The following NET1 variants were observed in gnomAD, a reference collection of about 807,000 sequenced individuals.
The protein encoded by NET1 is neuroepithelial cell-transforming gene 1 protein.
Under a neutral mutation model 61.1 loss-of-function variants are expected in NET1, and 42 were observed. The observed-to-expected ratio is 0.69, with a 90% confidence interval of 0.54 to 0.89. The LOEUF (loss-of-function observed/expected upper bound fraction) is 0.89, where lower values mean the gene tolerates loss of function less well. Ranked by LOEUF, NET1 falls within the 40% of genes least tolerant of loss-of-function variation. The pLI, the probability that NET1 is intolerant of heterozygous loss-of-function variation, is 0.00. For synonymous variants in NET1, 254 were observed against 281.8 expected, an observed-to-expected ratio of 0.90 and a Z score of 0.99; for missense variants, 654 against 747.3, an observed-to-expected ratio of 0.88 and a Z score of 1.46.
In NET1 at chr10:5,421,417, G is replaced by T. The variant is rs955784258; in HGVS notation, c.129-5238G>T. ...GTAGAAAAATAATAGTATGACCTAT[G>T]ATCTACCAACAGTGATAAGGCTTAC... is the stretch of plus-strand genomic sequence containing the variant. On this transcript the variant is annotated intron_variant, in intron 1 of 11. Coordinates refer to ENST00000355029, the MANE Select transcript of NET1 (RefSeq NM_001047160.3). The surrounding 1 kb of genome is among the most constrained non-coding windows in gnomAD (Gnocchi z 4.2). Among the ~76,000 whole-genome samples, 4 of 152,104 alleles carry T rather than the reference G, an allele frequency of 2.6e-5. No individual in the cohort carries two copies. The highest frequency in any genetic ancestry group is 9.7e-5 in the African/African-American group (4 of 41,418).
At chr10:5,419,470 C>A (rs1832132407) in intron 1 of NET1, among the ~76,000 whole-genome samples, 1 of 152,120 alleles carries the variant, frequency 6.6e-6, no homozygotes, top group Non-Finnish European at 1.5e-5. Context: ...TCTTTTGTTT[C>A]TCTATTCCTC....
In NET1 at chr10:5,457,409, T is replaced by G. The variant is rs1288722054; in HGVS notation, c.*415T>G. On this transcript the variant is annotated 3_prime_UTR_variant, in exon 12 of 12. Coordinates refer to ENST00000355029, the MANE Select transcript of NET1 (RefSeq NM_001047160.3). The surrounding 1 kb of genome is among the most constrained non-coding windows in gnomAD (Gnocchi z 5.4). Reference sequence around the variant, plus strand: ...AAGCCTTGCATGCAAAATTTGAAATTTTAACATTGGCACCCAAAACCTACA... The same window carrying G: ...AAGCCTTGCATGCAAAATTTGAAATGTTAACATTGGCACCCAAAACCTACA... The G allele has an allele frequency of 6.5e-6, 1 of 153,534 alleles. No homozygotes were observed. The highest frequency in any genetic ancestry group is 1.5e-5 in the Non-Finnish European group (1 of 68,728). 9.5% of individuals were successfully genotyped at this position (153,534 alleles called of 1,614,324 possible).
Position 5,451,924 on chromosome 10 carries a change from G to C in NET1, c.350G>C (p.Gly117Ala), listed in dbSNP as rs1288843575. Residue 117 changes from glycine (G) to alanine (A), a missense_variant, in exon 4 of 12, where the codon GGT becomes GCT. Physicochemically the swap from Gly to Ala is moderately conservative, Grantham distance 60. Transcript: ENST00000355029. This position sits in a 1 kb window ranked among gnomAD's most constrained non-coding sequence, Gnocchi z 6.1. ...AGAAATGGAGCTGTCAGACGTTTTGGTCAAACAATACAGGTAAAAAGAGAG... is the reference window on the plus strand; with the variant it reads ...AGAAATGGAGCTGTCAGACGTTTTGCTCAAACAATACAGGTAAAAAGAGAG... Reference protein sequence around the residue: ...PVRNGAVRRFGQTIQSFTLRG... With the variant: ...PVRNGAVRRFAQTIQSFTLRG... 1 of 1,613,282 alleles carries C rather than the reference G, an allele frequency of 6.2e-7. No homozygotes were observed. Among genetic ancestry groups the C allele is most frequent in the Non-Finnish European group, 8.5e-7 (1 of 1,179,518 alleles).
At position 5,435,510 on chromosome 10, in the gene NET1, TAGATAGATAGATAGATAGATAGAC is replaced by T. The variant is rs1282554585; in HGVS notation, c.255+6285_255+6308del. The stretch of plus-strand genomic sequence containing the variant: ...ATAGATAGATAGATAGATAGATAGA[TAGATAGATAGATAGATAGATAGAC>T]AGACAGACAGATAGATAGATAGATA... On this transcript the variant is annotated intron_variant, in intron 3 of 11. Coordinates refer to ENST00000355029, the MANE Select transcript of NET1 (RefSeq NM_001047160.3). This position sits in a 1 kb window ranked among gnomAD's most constrained non-coding sequence, Gnocchi z 5.0. 0.22 allele frequency among the ~76,000 whole-genome samples: 13,723 copies of T among 63,214 alleles called. 794 individuals are homozygous for T. The highest frequency in any genetic ancestry group is 0.29 in the Admixed American group (2,010 of 7,026). 41.5% of individuals were successfully genotyped at this position (63,214 alleles called of 152,430 possible).
chr10:5,448,102 ATT>A (rs1053692966), intron 3 of NET1, among the ~76,000 whole-genome samples: 1 of 152,122 alleles, frequency 6.6e-6, no homozygotes, highest in Admixed American at 6.5e-5. Flanking sequence ...TTTTCTTTTG[ATT>A]TTAAAGTTTT....
At chr10:5,419,961 G>A (rs553723065) in intron 1 of NET1, among the ~76,000 whole-genome samples, 1 of 151,706 alleles carries the variant, frequency 6.6e-6, no homozygotes, top group Non-Finnish European at 1.5e-5. Flanking sequence ...TTTAACTTTT[G>A]CCATTTTTAC....
intron 2 of NET1, 68 bp from the exon 3 acceptor site, chr10:5,429,100 TAG>T (rs1414803571): frequency 5.5e-6 from 6 of 1,085,908 alleles, no homozygotes; most frequent in Middle Eastern, 2.5e-4. Flanking sequence ...TCTAGTTTTA[TAG>T]AGTCTTTGTT....
In NET1 at chr10:5,444,019, G is replaced by T. The variant is rs1832565414; in HGVS notation, c.256-7811G>T. 6.6e-6 allele frequency among the ~76,000 whole-genome samples: 1 copy of T among 152,216 alleles called. No homozygotes were observed. Among genetic ancestry groups the T allele is most frequent in the Admixed American group, 6.5e-5 (1 of 15,284 alleles). ...CTGATGAAGCTAACTGAACCAGACT[G>T]CTGGGGTCTAGCCTAGGCTGTTCAT... is the stretch of plus-strand genomic sequence containing the variant. On this transcript the variant is annotated intron_variant, in intron 3 of 11. Transcript: ENST00000355029. The surrounding 1 kb of genome is among the most constrained non-coding windows in gnomAD (Gnocchi z 5.3).
At position 5,420,358 on chromosome 10, in the gene NET1, GATATT is replaced by G. The variant is rs148272041; in HGVS notation, c.129-6293_129-6289del. Among the ~76,000 whole-genome samples the G allele has an allele frequency of 0.022, 3,354 of 152,214 alleles. 51 individuals carry two copies. Among genetic ancestry groups the G allele is most frequent in the Middle Eastern group, 0.031 (9 of 294 alleles). On this transcript the variant is annotated intron_variant, in intron 1 of 11. Coordinates refer to ENST00000355029, the MANE Select transcript of NET1 (RefSeq NM_001047160.3). The surrounding 1 kb of genome is among the most constrained non-coding windows in gnomAD (Gnocchi z 5.3). ...TACATTATGATATTCTGTACAGTGA[GATATT>G]ATAATATACAATTTTTATAACTCAG...
In NET1 at chr10:5,417,650, T is replaced by C. The variant is rs990460729; in HGVS notation, c.128+4830T>C. On this transcript the variant is annotated intron_variant, in intron 1 of 11. Coordinates refer to ENST00000355029, the MANE Select transcript of NET1 (RefSeq NM_001047160.3). This position sits in a 1 kb window ranked among gnomAD's most constrained non-coding sequence, Gnocchi z 5.5. Reference sequence around the variant, plus strand: ...TAGTTTTACTTCTTTTTCCAATCTCTGGATGCCCTTTACTTTTTTCTCTTT... The same window carrying C: ...TAGTTTTACTTCTTTTTCCAATCTCCGGATGCCCTTTACTTTTTTCTCTTT... Among the ~76,000 whole-genome samples, 4 of 152,172 alleles carry C rather than the reference T, an allele frequency of 2.6e-5. No individual in the cohort carries two copies. Among genetic ancestry groups the C allele is most frequent in the South Asian group, 2.1e-4 (1 of 4,826 alleles).
Position 5,453,151 on chromosome 10 carries a change from C to T in NET1, c.595-99C>T, listed in dbSNP as rs1037054612. The T allele has an allele frequency of 4.8e-5, 39 of 805,372 alleles. No individual in the cohort carries two copies. Among genetic ancestry groups the T allele is most frequent in the East Asian group, 2.2e-4 (9 of 41,232 alleles). 49.9% of individuals were successfully genotyped at this position (805,372 alleles called of 1,614,324 possible). On this transcript the variant is annotated intron_variant, in intron 6 of 11. Transcript: ENST00000355029. The surrounding 1 kb of genome is among the most constrained non-coding windows in gnomAD (Gnocchi z 4.9). ...TTTTATGTGTAGCAAACAGAATCCACGCTAGCTTTTATGTAATTAATTCTC... is the reference window on the plus strand; with the variant it reads ...TTTTATGTGTAGCAAACAGAATCCATGCTAGCTTTTATGTAATTAATTCTC...
Position 5,422,198 on chromosome 10 carries a change from A to C in NET1, c.129-4457A>C, listed in dbSNP as rs918792045. 2.0e-5 allele frequency among the ~76,000 whole-genome samples: 3 copies of C among 152,110 alleles called. No individual in the cohort carries two copies. The highest frequency in any genetic ancestry group is 7.2e-5 in the African/African-American group (3 of 41,420). On this transcript the variant is annotated intron_variant, in intron 1 of 11. Coordinates refer to ENST00000355029, the MANE Select transcript of NET1 (RefSeq NM_001047160.3). This position sits in a 1 kb window ranked among gnomAD's most constrained non-coding sequence, Gnocchi z 4.1. ...CTAAAAATATAAAATTTAGCTGGGC[A>C]TGGTGGCGTGCCCCTGTAATCCTAG...
At position 5,458,061 on chromosome 10, in the gene NET1, TGAG is replaced by T. The variant is rs1300388964; in HGVS notation, c.*1069_*1071del. ...GAAAGGAGATAGGAGAAGCTCAACTTGAGGGCGTGTAGTAAGTTGTAGAAGGCT... is the reference window on the plus strand; with the variant it reads ...GAAAGGAGATAGGAGAAGCTCAACTTGGCGTGTAGTAAGTTGTAGAAGGCT... On this transcript the variant is annotated 3_prime_UTR_variant, in exon 12 of 12. Transcript: ENST00000355029. This position sits in a 1 kb window ranked among gnomAD's most constrained non-coding sequence, Gnocchi z 4.5. 6.6e-6 allele frequency: 1 copy of T among 152,166 alleles called. No homozygotes were observed. The highest frequency in any genetic ancestry group is 2.4e-5 in the African/African-American group (1 of 41,424). 9.4% of individuals were successfully genotyped at this position (152,166 alleles called of 1,614,324 possible). A position where few individuals can be genotyped will look rare whatever the true frequency, so the allele number is the denominator to read the frequency against.
chr10:5,454,523 G>GT lies in NET1; in HGVS notation c.1026+2dup, dbSNP rs1485956292. 1 of 1,612,406 alleles carries GT rather than the reference G, an allele frequency of 6.2e-7. No individual in the cohort carries two copies. The highest frequency in any genetic ancestry group is 8.5e-7 in the Non-Finnish European group (1 of 1,179,570). Reference sequence around the variant, plus strand: ...TGATGTTCAGCTTCTGGAGGATGCTGTAAGTAGTCCCTTAAGTGATTGTTT... The same window carrying GT: ...TGATGTTCAGCTTCTGGAGGATGCTGTTAAGTAGTCCCTTAAGTGATTGTTT... On this transcript the variant is annotated splice_donor_variant, in intron 9 of 11. Coordinates refer to ENST00000355029, the MANE Select transcript of NET1 (RefSeq NM_001047160.3). LOFTEE classifies it high-confidence loss of function. This position sits in a 1 kb window ranked among gnomAD's most constrained non-coding sequence, Gnocchi z 8.1.
chr10:5,453,007 A>G lies in NET1; in HGVS notation c.594+87A>G, dbSNP rs769052296. The G allele has an allele frequency of 1.2e-4, 115 of 981,272 alleles. No homozygotes were observed. The highest frequency in any genetic ancestry group is 2.8e-4 in the Middle Eastern group (1 of 3,594). The allele number at this position is 981,272 out of a possible 1,614,324, so 60.8% of individuals were successfully genotyped here. ...AAGGATAGTTTTCTTAACCTTTAGA[A>G]GTAGAAGAATAGAAAATATCTACTG... On this transcript the variant is annotated intron_variant, in intron 6 of 11. Coordinates refer to ENST00000355029, the MANE Select transcript of NET1 (RefSeq NM_001047160.3). The surrounding 1 kb of genome is among the most constrained non-coding windows in gnomAD (Gnocchi z 4.9).
chr10:5,453,649 A>G lies in NET1; in HGVS notation c.768+89A>G, dbSNP rs1832746152. 1 of 1,131,180 alleles carries G rather than the reference A, an allele frequency of 8.8e-7. No homozygotes were observed. Among genetic ancestry groups the G allele is most frequent in the African/African-American group, 1.5e-5 (1 of 65,460 alleles). The allele number at this position is 1,131,180 out of a possible 1,614,324, so 70.1% of individuals were successfully genotyped here. A position where few individuals can be genotyped will look rare whatever the true frequency, so the allele number is the denominator to read the frequency against. ...ATGAATATGAGACAGATTTGATCCC[A>G]CAACTCTGTTCTACAAACACATAAG... is the stretch of plus-strand genomic sequence containing the variant. On this transcript the variant is annotated intron_variant, in intron 8 of 11. Transcript: ENST00000355029. This position sits in a 1 kb window ranked among gnomAD's most constrained non-coding sequence, Gnocchi z 4.9.
chr10:5,432,629 T>C (rs962007670), intron 3 of NET1, among the ~76,000 whole-genome samples: 1 of 152,170 alleles, frequency 6.6e-6, no homozygotes, highest in Non-Finnish European at 1.5e-5. Context: ...TGTGACAGAA[T>C]TATGTAGAAT....
chr10:5,436,655 G>A (rs1832443129), intron 3 of NET1, among the ~76,000 whole-genome samples: 1 of 152,090 alleles, frequency 6.6e-6, no homozygotes, highest in Admixed American at 6.5e-5. Context: ...CATTGTGATT[G>A]TTTATAATTA....
At chr10:5,433,652 T>G (rs745695012) in intron 3 of NET1, among the ~76,000 whole-genome samples, 1 of 152,234 alleles carries the variant, frequency 6.6e-6, no homozygotes, top group Non-Finnish European at 1.5e-5. Flanking sequence ...CATTGTGTTC[T>G]GGCATAAACT....
Sources: allele counts gnomAD v4.1 joint callset (sites outside exome capture counted in the v4.1 genomes callset), GRCh38; gene constraint gnomAD v4.1.1; non-coding constraint Gnocchi (gnomAD v3.1); transcripts MANE v1.5; gene names NCBI Gene and HGNC (gene_info 2026-07-23, HGNC 2026-07-21).